Variants in PDCD5 observed in about 807,000 individuals in gnomAD.
PDCD5 encodes the protein programmed cell death protein 5.
PDCD5 carries 23 observed loss-of-function variants against 21.9 expected under a neutral mutation model. The observed-to-expected ratio is 1.05, with a 90% CI of 0.76 to 1.49. PDCD5 has a LOEUF of 1.49. Ranked by LOEUF, PDCD5 falls within the 40% of genes most tolerant of loss-of-function variation. The pLI is 0.00. For synonymous variants in PDCD5, 45 were observed against 49.4 expected (o/e 0.91, Z 0.37); for missense variants, 152 against 147.7 (o/e 1.03, Z -0.15).
intron 3 of PDCD5, 137 bp downstream of exon 3, chr19:32,585,148 T>G: frequency 1.4e-6 from 1 of 709,382 alleles, no homozygotes; most frequent in Non-Finnish European, 2.5e-6. Flanking sequence ...AGTGTGAAGT[T>G]TATAAACCTA....
chr19:32,582,700 TGTG>T (rs1280356893), intron 2 of PDCD5, among the ~76,000 whole-genome samples: 9 of 152,230 alleles, frequency 5.9e-5, no homozygotes, highest in Admixed American at 2.6e-4. Flanking sequence ...TTTTAAAAAT[TGTG>T]GTTAAATAAA....
At chr19:32,581,590 C>T (rs991898750) in intron 1 of PDCD5, 15 of 339,674 alleles carry the variant, frequency 4.4e-5, no homozygotes, top group East Asian at 2.3e-4. Flanking sequence ...CTGGAGCGGG[C>T]TCGTCCTGGC....
chr19:32,586,067 T>G lies in PDCD5; in HGVS notation c.258+160T>G, dbSNP rs10500262. ...ATACCTACTTTAAAAGAGAATAAATTGCCTTTCCTAAATTCCTCTGCTTCG... is the reference window on the plus strand; with the variant it reads ...ATACCTACTTTAAAAGAGAATAAATGGCCTTTCCTAAATTCCTCTGCTTCG... On this transcript the variant is annotated intron_variant, in intron 4 of 5. Transcript: ENST00000590247. The G allele has an allele frequency of 1.7e-5, 26 of 1,554,404 alleles. No homozygotes were observed. The Admixed American group carries it at 3.9e-4, about 23-fold the overall frequency.
chr19:32,584,479 T>C (rs1971457851), intron 2 of PDCD5, among the ~76,000 whole-genome samples: 1 of 152,182 alleles, frequency 6.6e-6, no homozygotes, highest in African/African-American at 2.4e-5. Flanking sequence ...AAAATAGAAC[T>C]GAGAGTCTTA....
intron 2 of PDCD5, 76 bp downstream of exon 2, chr19:32,582,308 A>G: frequency 7.6e-7 from 1 of 1,316,334 alleles, no homozygotes; most frequent in Non-Finnish European, 1.1e-6. Flanking sequence ...TATTTTAAGC[A>G]GGTGTGTGAC....
intron 4 of PDCD5, 59 bp downstream of exon 4, chr19:32,585,966 C>T: frequency 3.7e-6 from 6 of 1,613,968 alleles, no homozygotes; most frequent in Non-Finnish European, 5.1e-6. Context: ...AACATGGCTT[C>T]AAAAGGTCAG....
chr19:32,585,220 C>T (rs1335928382), intron 3 of PDCD5, among the ~76,000 whole-genome samples: 1 of 152,114 alleles, frequency 6.6e-6, no homozygotes, highest in Non-Finnish European at 1.5e-5. Flanking sequence ...AGATGTTCTC[C>T]AGGTGTGTAT....
At chr19:32,585,724 GT>G in intron 3 of PDCD5, 91 bp from the exon 4 acceptor site, 1 of 748,122 alleles carries the variant, frequency 1.3e-6, no homozygotes, top group Non-Finnish European at 2.4e-6. Context: ...AGCTTGTGAA[GT>G]GCTTTGGAAA....
intron 4 of PDCD5, chr19:32,586,351 C>G: frequency 1.6e-6 from 2 of 1,259,278 alleles, no homozygotes; most frequent in Non-Finnish European, 2.0e-6. Context: ...CGAACCCCAC[C>G]TGCCCTGAGA....
At chr19:32,584,646 G>A (rs749320799) in intron 2 of PDCD5, among the ~76,000 whole-genome samples, 2 of 152,144 alleles carry the variant, frequency 1.3e-5, no homozygotes, top group African/African-American at 4.8e-5. Context: ...CACCTGTCAC[G>A]CAATAGGTAC....
chr19:32,586,817 T>C (rs747851455), intron 4 of PDCD5, 41 bp from the exon 5 acceptor site: 1 of 1,587,288 alleles, frequency 6.3e-7, no homozygotes, highest in Non-Finnish European at 8.5e-7. Flanking sequence ...ATTCTTTGTT[T>C]AAAAAAGTAC....
rs138405707 is a variant in PDCD5, at chr19:32,585,733, A to G, written c.167-83A>G. On this transcript the variant is annotated intron_variant, in intron 3 of 5. Coordinates refer to ENST00000590247, the MANE Select transcript of PDCD5 (RefSeq NM_004708.4). ...GGGACAAGCTTGTGAAGTGCTTTGG[A>G]AAGGTCAATGCATAGTTTTAAGGTA... is the stretch of plus-strand genomic sequence containing the variant. 1.5e-3 allele frequency: 1,212 copies of G among 793,116 alleles called. 12 individuals are homozygous for G. The African/African-American group carries it at 0.019, about 12-fold the overall frequency. 49.1% of individuals were successfully genotyped at this position (793,116 alleles called of 1,614,324 possible).
intron 4 of PDCD5, chr19:32,586,634 A>G (rs1159578763): frequency 1.6e-6 from 2 of 1,261,978 alleles, no homozygotes; most frequent in Non-Finnish European, 2.0e-6. Context: ...AAGCAATTTT[A>G]TGGATACTTC....
At chr19:32,585,987 A>G in intron 4 of PDCD5, 80 bp downstream of exon 4, 1 of 1,612,726 alleles carries the variant, frequency 6.2e-7, no homozygotes, top group Non-Finnish European at 8.5e-7. Flanking sequence ...CTGCATCTTC[A>G]CTGGATTACA....
chr19:32,582,525 G>A (rs4499344), intron 2 of PDCD5, among the ~76,000 whole-genome samples: 70,977 of 152,024 alleles, frequency 0.47, 19,705 homozygotes, highest in East Asian at 0.9. Flanking sequence ...TGGGGGTGAC[G>A]TGAGTCCGGT....
chr19:32,586,371 C>T, intron 4 of PDCD5: 1 of 1,225,276 alleles, frequency 8.2e-7, no homozygotes, highest in Non-Finnish European at 1.0e-6. Context: ...AAGCCGTCTG[C>T]TACCACCACA....
rs77264733 is a variant in PDCD5, at chr19:32,583,457, C to CTT, written c.104+1237_104+1238dup. 5.5e-3 allele frequency among the ~76,000 whole-genome samples: 787 copies of CTT among 143,844 alleles called. 20 individuals are homozygous for CTT. The East Asian group carries it at 0.08, about 15-fold the overall frequency. 94.4% of individuals were successfully genotyped at this position (143,844 alleles called of 152,430 possible). A position where few individuals can be genotyped will look rare whatever the true frequency, so the allele number is the denominator to read the frequency against. On this transcript the variant is annotated intron_variant, in intron 2 of 5. Transcript: ENST00000590247. ...ACCATGCCTGGCTAATTTTTTTAAA[C>CTT]TTTTTTTTTTTTTAATAGCCTCGCT...
chr19:32,582,320 CAG>C, intron 2 of PDCD5, 88 bp downstream of exon 2: 1 of 1,216,030 alleles, frequency 8.2e-7, no homozygotes, highest in Non-Finnish European at 1.2e-6. Flanking sequence ...GTGTGTGACT[CAG>C]ATTTTTTTGT....
At chr19:32,582,096 C>T (rs1971432780) in intron 1 of PDCD5, 99 bp from the exon 2 acceptor site, 2 of 806,746 alleles carry the variant, frequency 2.5e-6, no homozygotes, top group African/African-American at 1.7e-5. Flanking sequence ...GTTTCTACCA[C>T]CGCAAGAGAC....
Sources: allele counts gnomAD v4.1 joint callset (sites outside exome capture counted in the v4.1 genomes callset), GRCh38; gene constraint gnomAD v4.1.1; transcripts MANE v1.5; gene names NCBI Gene and HGNC (gene_info 2026-07-23, HGNC 2026-07-21).